EIF3L: variants seen among roughly 807,000 people sequenced by gnomAD.
The protein encoded by EIF3L is eIEF associated protein HSPC021.
EIF3L carries 32 observed loss-of-function variants against 74.6 expected under a neutral mutation model. That is an observed-to-expected ratio of 0.43 (90% CI 0.32 to 0.58). The LOEUF is 0.58. EIF3L is among the 20% of genes least tolerant of loss of function. The pLI is 0.06. For synonymous variants in EIF3L, 256 were observed against 254.4 expected, an observed-to-expected ratio of 1.01 and a Z score of -0.06; for missense variants, 474 against 707.8, an observed-to-expected ratio of 0.67 and a Z score of 3.75.
intron 9 of EIF3L, 47 bp from the exon 10 acceptor site, chr22:37,875,794 T>C: frequency 6.4e-7 from 1 of 1,572,426 alleles, no homozygotes; most frequent in Non-Finnish European, 8.7e-7. Context: ...TGGTTCTATC[T>C]AGGATGAATT....
chr22:37,849,500 G>A lies in EIF3L; in HGVS notation c.33+18G>A. On this transcript the variant is annotated intron_variant, in intron 1 of 12. Transcript: ENST00000652021. ...AGTCTGAGGTAAGGTGGCCGTAAGG[G>A]CGCGGTGGGCTCCACGACGGGGTGA... 1 of 1,582,178 alleles carries A rather than the reference G, an allele frequency of 6.3e-7. No homozygotes were observed. Among genetic ancestry groups the A allele is most frequent in the African/African-American group, 1.3e-5 (1 of 74,184 alleles).
At chr22:37,858,616 C>A in intron 4 of EIF3L, 63 bp from the exon 5 acceptor site, 1 of 1,462,312 alleles carries the variant, frequency 6.8e-7, no homozygotes, top group Non-Finnish European at 9.5e-7. Flanking sequence ...CACCAAAGAG[C>A]TAAAGCTGCC....
Position 37,863,427 on chromosome 22 carries a change from G to C in EIF3L, c.579+82G>C, listed in dbSNP as rs1418172553. ...TTACTATTGTTTGTGTAAAAAAGCT[G>C]CAGGGTGTAAAAATATCCCCATTGT... On this transcript the variant is annotated intron_variant, in intron 7 of 12. Transcript: ENST00000652021. The C allele has an allele frequency of 1.8e-5, 21 of 1,192,368 alleles. No individual in the cohort carries two copies. In the South Asian group the frequency reaches 2.8e-4, roughly 16 times the overall value. The allele number at this position is 1,192,368 out of a possible 1,614,324, so 73.9% of individuals were successfully genotyped here.
In EIF3L at chr22:37,884,901, C is replaced by CTT. The variant is rs10605799; in HGVS notation, c.1576-1835_1576-1834dup. ...CTCCCTTGCCAGGATCATGTCAAGC[C>CTT]TTTTTTTTTTTTTTTTTTTTTTTTT... On this transcript the variant is annotated intron_variant, in intron 11 of 12. Coordinates refer to ENST00000652021, the MANE Select transcript of EIF3L (RefSeq NM_016091.4). The CTT allele has an allele frequency of 1.4e-3, 49 of 36,064 alleles. 6 individuals carry two copies. The highest frequency in any genetic ancestry group is 4.3e-3 in the African/African-American group (43 of 9,908). The allele number at this position is 36,064 out of a possible 1,614,324, so 2.2% of individuals were successfully genotyped here.
intron 11 of EIF3L, chr22:37,881,664 C>G (rs926085863): frequency 6.6e-6 from 1 of 152,194 alleles, no homozygotes; most frequent in Non-Finnish European, 1.5e-5. Context: ...CCGCCTCGGC[C>G]TCCCAAAGTG....
chr22:37,864,500 T>C (rs1282307827), intron 7 of EIF3L, among the ~76,000 whole-genome samples: 2 of 150,686 alleles, frequency 1.3e-5, no homozygotes, highest in Non-Finnish European at 2.9e-5. Flanking sequence ...CTGTGTAGCC[T>C]GGGGGTAAAA....
intron 10 of EIF3L, 90 bp from the exon 11 acceptor site, chr22:37,877,584 C>A: frequency 6.9e-6 from 10 of 1,441,152 alleles, no homozygotes; most frequent in Non-Finnish European, 9.4e-6. Context: ...AGTCAAAGAT[C>A]TGTGCAGAGA....
At position 37,851,444 on chromosome 22, in the gene EIF3L, G is replaced by C. The variant is rs1386896327; in HGVS notation, c.247G>C (p.Val83Leu). 6.2e-7 allele frequency: 1 copy of C among 1,614,054 alleles called. No individual in the cohort carries two copies. The highest frequency in any genetic ancestry group is 1.1e-5 in the South Asian group (1 of 91,070). ...ACAGGCCAGTCGTGTCTCCAGTGAT[G>C]TCATTGACCAGAAGGTGTATGAGAT... is the stretch of plus-strand genomic sequence containing the variant. ...ELQASRVSSD[V>L]IDQKVYEIQD... The change falls in exon 3 of 13, where the codon GTC becomes CTC. Residue 83 changes from valine to leucine, a missense_variant. By Grantham distance (32) the Val-to-Leu change is conservative. Around this residue, in one of 4 missense-constraint regions of EIF3L, gnomAD observed 141 missense variants for 197.7 expected, o/e 0.71. Coordinates refer to ENST00000652021, the MANE Select transcript of EIF3L (RefSeq NM_016091.4).
chr22:37,876,622 C>G (rs1277460127), intron 10 of EIF3L: 1 of 152,234 alleles, frequency 6.6e-6, no homozygotes, highest in Non-Finnish European at 1.5e-5. Flanking sequence ...TAATGGCTAG[C>G]ATACTCTTAG....
chr22:37,884,901 CTTTTTTTTTTTTTTTTT>C (rs10605799), intron 11 of EIF3L: 2 of 36,064 alleles, frequency 5.5e-5, no homozygotes, highest in Middle Eastern at 0.017. Context: ...CATGTCAAGC[CTTTTTTTTTTTTTTTTT>C]TTTTTTTTTT....
At chr22:37,859,361 G>T (rs1458516128) in intron 5 of EIF3L, among the ~76,000 whole-genome samples, 2 of 119,650 alleles carry the variant, frequency 1.7e-5, no homozygotes, top group Admixed American at 9.2e-5. Flanking sequence ...AAATTATAGA[G>T]TACGTGAAGT....
At position 37,877,724 on chromosome 22, in the gene EIF3L, G is replaced by A. The variant is rs371679995; in HGVS notation, c.1128G>A (p.Thr376=). The change falls in exon 11 of 13, where the codon ACG becomes ACA. Residue 376 remains threonine, a synonymous_variant. Transcript: ENST00000652021. ...QMHALLAIAL[T]MYPMRIDESI... ...ATGCGCTGCTGGCCATTGCCCTCAC[G>A]ATGTACCCCATGCGTATTGATGAGA... The A allele has an allele frequency of 2.4e-5, 39 of 1,613,284 alleles. No homozygotes were observed. Among genetic ancestry groups the A allele is most frequent in the South Asian group, 1.5e-4 (14 of 91,010 alleles).
intron 11 of EIF3L, chr22:37,884,951 C>T (rs1469245104): frequency 8.5e-6 from 1 of 118,280 alleles, no homozygotes; most frequent in East Asian, 2.5e-4. Flanking sequence ...TCTTAATCCT[C>T]CAGTTGTCCA....
chr22:37,863,715 G>C (rs534207664), intron 7 of EIF3L, among the ~76,000 whole-genome samples: 198 of 152,180 alleles, frequency 1.3e-3, no homozygotes, highest in African/African-American at 4.7e-3. Flanking sequence ...TTTAAACTCA[G>C]AGCCTCACTT....
chr22:37,868,466 C>T (rs141229439), intron 7 of EIF3L, among the ~76,000 whole-genome samples: 65 of 148,506 alleles, frequency 4.4e-4, no homozygotes, highest in African/African-American at 1.5e-3. Flanking sequence ...TTTTTTTTTC[C>T]CCCCTAAGGC....
At chr22:37,882,014 G>A (rs1375506046) in intron 11 of EIF3L, 1 of 152,110 alleles carries the variant, frequency 6.6e-6, no homozygotes, top group Non-Finnish European at 1.5e-5. Context: ...TTTTTAAAAA[G>A]AGAAAAAGCA....
Position 37,878,149 on chromosome 22 carries a change from A to C in EIF3L, c.1553A>C (p.Glu518Ala). The C allele has an allele frequency of 6.2e-7, 1 of 1,611,164 alleles. No homozygotes were observed. ...GATGGTGAATTTCAGTCAGCCTCAG[A>C]GGTTGACTTCTACATTGATAAGGTA... ...ALDGEFQSAS[E>A]VDFYIDKDMI... The change falls in exon 11 of 13, where the codon GAG becomes GCG. Residue 518 changes from glutamate (E) to alanine (A), a missense_variant. Coordinates refer to ENST00000652021, the MANE Select transcript of EIF3L (RefSeq NM_016091.4).
chr22:37,865,552 C>T (rs888950513), intron 7 of EIF3L, among the ~76,000 whole-genome samples: 7 of 152,016 alleles, frequency 4.6e-5, no homozygotes, highest in Admixed American at 2.0e-4. Flanking sequence ...CTGATTATTT[C>T]AGGATAAATT....
At chr22:37,855,754 T>C (rs1358208460) in intron 4 of EIF3L, 110 bp downstream of exon 4, 18 of 897,556 alleles carry the variant, frequency 2.0e-5, no homozygotes, top group Non-Finnish European at 2.9e-5. Flanking sequence ...TTTTGTTTCC[T>C]TGGTGCTTGG....
Sources: gnomAD v4.1 joint callset for allele counts (sites outside exome capture counted in the v4.1 genomes callset) on GRCh38, gnomAD v4.1.1 for gene constraint, gnomAD v4.1.1 regional missense constraint, MANE v1.5 for transcripts, NCBI Gene and HGNC (gene_info 2026-07-23, HGNC 2026-07-21) for gene names.